The following MYO16 variants were observed in gnomAD, a reference collection of about 807,000 sequenced individuals.
The protein encoded by MYO16 is unconventional myosin-XVI.
In MYO16, 94 loss-of-function variants were observed where a neutral mutation model predicts 205.3. That is an observed-to-expected ratio of 0.46 (90% CI 0.39 to 0.54). The LOEUF (loss-of-function observed/expected upper bound fraction) is 0.54, where lower values mean the gene tolerates loss of function less well. Ranked by LOEUF, MYO16 falls within the 20% of genes least tolerant of loss-of-function variation. MYO16 has a pLI of 0.00. For synonymous variants in MYO16, 988 were observed against 954.0 expected, an observed-to-expected ratio of 1.04 and a Z score of -0.66; for missense variants, 2,315 against 2,387.5, an observed-to-expected ratio of 0.97 and a Z score of 0.63.
intron 34 of MYO16, among the ~76,000 whole-genome samples, chr13:109,191,735 T>G (rs1879924948): frequency 6.6e-6 from 1 of 152,186 alleles, no homozygotes; most frequent in African/African-American, 2.4e-5. Context: ...AAGTGTTAAT[T>G]CTAGGAAAGG....
intron 2 of MYO16, among the ~76,000 whole-genome samples, chr13:108,691,850 G>GC (rs1882909404): frequency 6.6e-6 from 1 of 152,154 alleles, no homozygotes; most frequent in African/African-American, 2.4e-5. Flanking sequence ...ACAGAGGTAA[G>GC]CCGGGAAAAT....
At chr13:108,831,897 G>C (rs1876641286) in intron 9 of MYO16, among the ~76,000 whole-genome samples, 1 of 152,136 alleles carries the variant, frequency 6.6e-6, no homozygotes, top group Non-Finnish European at 1.5e-5. Context: ...CCATCCCTGG[G>C]CTGCCTATTT....
At chr13:109,050,409 G>A (rs561315347) in intron 24 of MYO16, among the ~76,000 whole-genome samples, 4 of 152,174 alleles carry the variant, frequency 2.6e-5, no homozygotes, top group East Asian at 3.9e-4. Context: ...CATCACATTC[G>A]GAGGCAGTCA....
chr13:108,776,009 T>C (rs1886113029), intron 4 of MYO16, among the ~76,000 whole-genome samples: 1 of 152,174 alleles, frequency 6.6e-6, no homozygotes, highest in Non-Finnish European at 1.5e-5. Flanking sequence ...ACAACTTCCA[T>C]GAATTGTTAT....
intron 9 of MYO16, among the ~76,000 whole-genome samples, chr13:108,824,634 T>G (rs1408946436): frequency 6.6e-6 from 1 of 152,096 alleles, no homozygotes; most frequent in Non-Finnish European, 1.5e-5. Flanking sequence ...CTAACAGACA[T>G]ATTTAGAGCA....
intron 22 of MYO16, among the ~76,000 whole-genome samples, chr13:109,018,270 C>G (rs1050839384): frequency 6.6e-6 from 1 of 152,174 alleles, no homozygotes; most frequent in Non-Finnish European, 1.5e-5. Flanking sequence ...CACTCCAGAC[C>G]CTGTTTGCCT....
chr13:108,997,320 GAAAGAAAGAAAGAAAGAA>G (rs376518611), intron 21 of MYO16, among the ~76,000 whole-genome samples: 345 of 5,066 alleles, frequency 0.068, 1 homozygote, highest in East Asian at 0.21. Flanking sequence ...AAGAAAGAAA[GAAAGAAAGAAAGAAAGAA>G]AGAGAGAGAG....
intron 23 of MYO16, among the ~76,000 whole-genome samples, chr13:109,026,363 G>A (rs552915246): frequency 6.6e-6 from 1 of 152,154 alleles, no homozygotes; most frequent in East Asian, 1.9e-4. Flanking sequence ...AGGAGGCCAT[G>A]TGACCACGGG....
chr13:108,592,569 T>A, upstream of MYO16, among the ~76,000 whole-genome samples: 1 of 134,298 alleles, frequency 7.4e-6, no homozygotes. Context: ...TGGAGTGAGG[T>A]GGAGGCTGTG....
chr13:109,078,893 G>A (rs1212309018), intron 27 of MYO16, among the ~76,000 whole-genome samples: 1 of 152,124 alleles, frequency 6.6e-6, no homozygotes, highest in Non-Finnish European at 1.5e-5. Flanking sequence ...CCTGGGGATG[G>A]TTCCCTCTAA....
intron 16 of MYO16, among the ~76,000 whole-genome samples, chr13:108,946,697 CAG>C (rs906060025): frequency 6.6e-6 from 1 of 151,760 alleles, no homozygotes; most frequent in African/African-American, 2.4e-5. Context: ...TCCAGAAAAA[CAG>C]AGCCAATAGC....
chr13:108,700,556 A>G (rs1277001960), intron 2 of MYO16, among the ~76,000 whole-genome samples: 1 of 152,064 alleles, frequency 6.6e-6, no homozygotes, highest in Non-Finnish European at 1.5e-5. Flanking sequence ...CTGGGTTTGG[A>G]TCTCCTCCAA....
intron 33 of MYO16, among the ~76,000 whole-genome samples, chr13:109,178,643 G>C (rs9583343): frequency 6.6e-6 from 1 of 152,012 alleles, no homozygotes; most frequent in Non-Finnish European, 1.5e-5. Flanking sequence ...AGTCACTTGC[G>C]GTGATGCATT....
chr13:108,526,227 G>A, the MYO16 span, among the ~76,000 whole-genome samples: 1 of 152,136 alleles, frequency 6.6e-6, no homozygotes, highest in African/African-American at 2.4e-5. Context: ...GCATGCATTT[G>A]CTTCCAAAAT....
intron 4 of MYO16, 71 bp downstream of exon 4, chr13:108,727,654 C>A: frequency 6.7e-7 from 1 of 1,497,346 alleles, no homozygotes; most frequent in Non-Finnish European, 9.0e-7. Context: ...TTAACTAATG[C>A]TATTTTACAA....
intron 9 of MYO16, among the ~76,000 whole-genome samples, chr13:108,837,145 C>A (rs1191582631): frequency 6.6e-6 from 1 of 152,070 alleles, no homozygotes; most frequent in Non-Finnish European, 1.5e-5. Flanking sequence ...AGGGTGGTTT[C>A]CCCCATGCTG....
intron 34 of MYO16, among the ~76,000 whole-genome samples, chr13:109,201,958 A>G (rs1049057526): frequency 6.9e-6 from 1 of 144,760 alleles, no homozygotes; most frequent in African/African-American, 2.7e-5. Context: ...GTATTCCATC[A>G]TATATATATA....
intron 12 of MYO16, among the ~76,000 whole-genome samples, chr13:108,868,369 TGACA>T (rs1287478553): frequency 4.6e-5 from 7 of 152,206 alleles, no homozygotes; most frequent in Non-Finnish European, 7.4e-5. Context: ...TGTGTTTCTC[TGACA>T]GACAATGAGA....
At chr13:108,543,035 T>C in the MYO16 span, among the ~76,000 whole-genome samples, 3 of 152,134 alleles carry the variant, frequency 2.0e-5, no homozygotes, top group Non-Finnish European at 4.4e-5. Flanking sequence ...AGAAATTAGG[T>C]ATTTGATTTC....
Sources: gnomAD v4.1 joint callset for allele counts (sites outside exome capture counted in the v4.1 genomes callset) on GRCh38, gnomAD v4.1.1 for gene constraint, MANE v1.5 for transcripts, NCBI Gene and HGNC (gene_info 2026-07-23, HGNC 2026-07-21) for gene names.